The following KCNMB2 variants were observed in gnomAD, a reference collection of about 807,000 sequenced individuals.
KCNMB2 encodes the protein potassium calcium-activated channel subfamily M regulatory beta subunit 2.
Under a neutral mutation model 24.5 loss-of-function variants are expected in KCNMB2, and 9 were observed. The ratio of observed to expected loss-of-function variants is 0.37; its 90% CI spans 0.22 to 0.64. The LOEUF (loss-of-function observed/expected upper bound fraction) is 0.64, where lower values mean the gene tolerates loss of function less well. KCNMB2 is among the 30% of genes least tolerant of loss of function. The pLI, the probability that KCNMB2 is intolerant of heterozygous loss-of-function variation, is 0.63. For synonymous variants in KCNMB2, 109 were observed against 104.4 expected (o/e 1.04, Z -0.27); for missense variants, 226 against 284.3 (o/e 0.79, Z 1.47).
chr3:178,577,577 T>C (rs1717042209), intron 1 of KCNMB2, among the ~76,000 whole-genome samples: 1 of 152,108 alleles, frequency 6.6e-6, no homozygotes, highest in Non-Finnish European at 1.5e-5. Flanking sequence ...TCCTCCGAGC[T>C]AAAGGAGCAC....
chr3:178,642,899 T>C (rs1184787537), intron 1 of KCNMB2, among the ~76,000 whole-genome samples: 1 of 152,242 alleles, frequency 6.6e-6, no homozygotes, highest in Non-Finnish European at 1.5e-5. Flanking sequence ...AACAATTACC[T>C]GTTTTAAATG....
At chr3:178,582,767 T>C (rs1234120974) in intron 1 of KCNMB2, among the ~76,000 whole-genome samples, 1 of 152,198 alleles carries the variant, frequency 6.6e-6, no homozygotes, top group African/African-American at 2.4e-5. Flanking sequence ...CTTCTAGAAA[T>C]AGGAAGACTT....
chr3:178,813,835 G>A (rs570954933), intron 2 of KCNMB2, among the ~76,000 whole-genome samples: 5 of 152,114 alleles, frequency 3.3e-5, no homozygotes, highest in African/African-American at 1.2e-4. Context: ...TATGTTTTTA[G>A]ATAATTACAT....
intron 1 of KCNMB2, among the ~76,000 whole-genome samples, chr3:178,718,946 A>T (rs1317503983): frequency 6.6e-6 from 1 of 152,166 alleles, no homozygotes. Flanking sequence ...GAAGACCCCA[A>T]GTGGCTATAA....
chr3:178,700,617 A>G (rs922442572), intron 1 of KCNMB2, among the ~76,000 whole-genome samples: 4 of 152,260 alleles, frequency 2.6e-5, no homozygotes, highest in African/African-American at 7.2e-5. Context: ...TAAGAATTCT[A>G]AATATCCTCC....
chr3:178,611,416 A>C (rs1007911522), intron 1 of KCNMB2, among the ~76,000 whole-genome samples: 1 of 152,116 alleles, frequency 6.6e-6, no homozygotes, highest in Non-Finnish European at 1.5e-5. Context: ...TTTCAAAAAA[A>C]ACCCCAGGCC....
chr3:178,574,565 T>C (rs9290656), intron 1 of KCNMB2, among the ~76,000 whole-genome samples: 38,637 of 152,052 alleles, frequency 0.25, 5,348 homozygotes, highest in East Asian at 0.41. Flanking sequence ...CCTGTTTGGC[T>C]TATCTTTTCT....
chr3:178,744,851 A>G (rs886690875), intron 1 of KCNMB2, among the ~76,000 whole-genome samples: 1 of 152,108 alleles, frequency 6.6e-6, no homozygotes, highest in Non-Finnish European at 1.5e-5. Flanking sequence ...GCTACTTTCT[A>G]TTTGCCTGCT....
At chr3:178,629,651 T>A (rs1420480114) in intron 1 of KCNMB2, among the ~76,000 whole-genome samples, 1 of 152,194 alleles carries the variant, frequency 6.6e-6, no homozygotes. Context: ...GTAAAAGCTT[T>A]GTGCCAGACA....
chr3:178,797,456 T>A (rs182390917), intron 1 of KCNMB2, among the ~76,000 whole-genome samples: 1 of 152,168 alleles, frequency 6.6e-6, no homozygotes, highest in Non-Finnish European at 1.5e-5. Context: ...ATATCCCTGA[T>A]GAATATTGAT....
chr3:178,593,577 G>A (rs73054319), intron 1 of KCNMB2, among the ~76,000 whole-genome samples: 1 of 151,834 alleles, frequency 6.6e-6, no homozygotes, highest in South Asian at 2.1e-4. Context: ...TGGTGACAAA[G>A]TTTTATTCTA....
At chr3:178,624,482 A>G (rs576252974) in intron 1 of KCNMB2, among the ~76,000 whole-genome samples, 1 of 152,254 alleles carries the variant, frequency 6.6e-6, no homozygotes, top group Non-Finnish European at 1.5e-5. Context: ...TTGTTGAGAC[A>G]ACACATTATT....
intron 1 of KCNMB2, among the ~76,000 whole-genome samples, chr3:178,559,170 AC>A (rs1476284309): frequency 3.9e-5 from 6 of 152,170 alleles, no homozygotes; most frequent in Non-Finnish European, 7.3e-5. Flanking sequence ...TGGCTTTGGA[AC>A]TATCTGTATG....
chr3:178,814,942 T>A (rs1482015058), intron 2 of KCNMB2, among the ~76,000 whole-genome samples: 1 of 152,196 alleles, frequency 6.6e-6, no homozygotes, highest in Non-Finnish European at 1.5e-5. Flanking sequence ...CTGTTAATTA[T>A]TTATTTTGCT....
chr3:178,682,442 T>G (rs1267205024), intron 1 of KCNMB2, among the ~76,000 whole-genome samples: 1 of 152,064 alleles, frequency 6.6e-6, no homozygotes, highest in East Asian at 1.9e-4. Context: ...ACCTATTTAC[T>G]CAAATCTTCT....
intron 1 of KCNMB2, among the ~76,000 whole-genome samples, chr3:178,715,376 T>A (rs185047152): frequency 6.6e-6 from 1 of 151,746 alleles, no homozygotes; most frequent in East Asian, 1.9e-4. Flanking sequence ...TTTTTTTTTT[T>A]TTTTTGGTTT....
At chr3:178,603,455 C>T (rs569842383) in intron 1 of KCNMB2, among the ~76,000 whole-genome samples, 1 of 150,246 alleles carries the variant, frequency 6.7e-6, no homozygotes, top group Non-Finnish European at 1.5e-5. Context: ...AGAAATGGGT[C>T]ATTTGAGAAA....
At chr3:178,630,762 T>C (rs952818069) in intron 1 of KCNMB2, among the ~76,000 whole-genome samples, 3 of 152,202 alleles carry the variant, frequency 2.0e-5, no homozygotes, top group African/African-American at 7.2e-5. Flanking sequence ...CAATAGTATA[T>C]GCAAATTGAT....
At chr3:178,628,582 T>C (rs895572764) in intron 1 of KCNMB2, among the ~76,000 whole-genome samples, 3 of 152,152 alleles carry the variant, frequency 2.0e-5, no homozygotes, top group African/African-American at 7.2e-5. Flanking sequence ...GGGCTTTTGT[T>C]AAGTATCCAG....
Sources: gnomAD v4.1 joint callset for allele counts (sites outside exome capture counted in the v4.1 genomes callset) on GRCh38, gnomAD v4.1.1 for gene constraint, MANE v1.5 for transcripts, NCBI Gene and HGNC (gene_info 2026-07-23, HGNC 2026-07-21) for gene names.